The following UBE2Q2 variants were observed in gnomAD, a reference collection of about 807,000 sequenced individuals.
UBE2Q2 encodes ubiquitin conjugating enzyme E2 Q2, also known as ubiquitin-conjugating enzyme E2 Q2.
Under a neutral mutation model 59.9 loss-of-function variants are expected in UBE2Q2, and 54 were observed. The observed-to-expected ratio is 0.90, with a 90% CI of 0.72 to 1.13. UBE2Q2 has a LOEUF of 1.13. Ranked by LOEUF, UBE2Q2 falls within the 50% of genes most tolerant of loss-of-function variation. The pLI is 0.00. For missense variants in UBE2Q2, 433 were observed against 441.9 expected (o/e 0.98, Z 0.18); for synonymous variants, 165 against 155.2 (o/e 1.06, Z -0.47).
chr15:75,857,714 A>G (rs1896989005), intron 2 of UBE2Q2, among the ~76,000 whole-genome samples: 1 of 152,060 alleles, frequency 6.6e-6, no homozygotes, highest in Non-Finnish European at 1.5e-5. Context: ...GGTTAAATAA[A>G]AATCATAGTG....
chr15:75,851,135 C>CTT (rs1177827175), intron 1 of UBE2Q2, among the ~76,000 whole-genome samples: 5 of 140,482 alleles, frequency 3.6e-5, no homozygotes, highest in African/African-American at 5.2e-5. Context: ...GGATATTCTT[C>CTT]TTTTTTTTTT....
intron 5 of UBE2Q2, 122 bp from the exon 6 acceptor site, chr15:75,876,065 C>A (rs1241449567): frequency 6.1e-4 from 325 of 534,914 alleles, no homozygotes; most frequent in African/African-American, 1.8e-3. Flanking sequence ...ACTCCATCTC[C>A]AAAAAAAAAA....
At chr15:75,867,904 G>A (rs892518438) in intron 3 of UBE2Q2, among the ~76,000 whole-genome samples, 2 of 152,094 alleles carry the variant, frequency 1.3e-5, no homozygotes, top group Admixed American at 6.5e-5. Context: ...AATGAAAAAA[G>A]GGAGAATTAC....
chr15:75,846,952 A>T, intron 1 of UBE2Q2, among the ~76,000 whole-genome samples: 1 of 152,078 alleles, frequency 6.6e-6, no homozygotes, highest in East Asian at 1.9e-4. Flanking sequence ...TCCACCCCTT[A>T]ACCTTACCCC....
At chr15:75,899,371 G>A in intron 12 of UBE2Q2, 56 bp from the exon 13 acceptor site, 3 of 1,365,376 alleles carry the variant, frequency 2.2e-6, no homozygotes, top group Middle Eastern at 1.9e-4. Flanking sequence ...TTACATGCCA[G>A]TTCTTCTAAT....
At chr15:75,858,761 A>G (rs374534171) in intron 2 of UBE2Q2, among the ~76,000 whole-genome samples, 2 of 152,166 alleles carry the variant, frequency 1.3e-5, no homozygotes, top group Admixed American at 6.5e-5. Flanking sequence ...CCTCATCTTC[A>G]TTATGCACTT....
intron 1 of UBE2Q2, among the ~76,000 whole-genome samples, chr15:75,852,866 A>T (rs1045995850): frequency 6.6e-6 from 1 of 152,252 alleles, no homozygotes; most frequent in African/African-American, 2.4e-5. Context: ...ACTATTAATG[A>T]TGTCCTCCAT....
At chr15:75,846,006 G>T (rs76157525) in intron 1 of UBE2Q2, among the ~76,000 whole-genome samples, 1 of 152,206 alleles carries the variant, frequency 6.6e-6, no homozygotes, top group Non-Finnish European at 1.5e-5. Context: ...ACTATCAGGA[G>T]ATAATTATCA....
At chr15:75,890,888 T>C (rs780341160) in intron 10 of UBE2Q2, 31 bp from the exon 11 acceptor site, 2 of 1,561,352 alleles carry the variant, frequency 1.3e-6, no homozygotes, top group African/African-American at 1.4e-5. Context: ...GAAATACTAC[T>C]GTATTTTAGA....
chr15:75,844,981 C>T (rs1025967139), intron 1 of UBE2Q2, among the ~76,000 whole-genome samples: 4 of 151,494 alleles, frequency 2.6e-5, no homozygotes, highest in African/African-American at 9.7e-5. Context: ...AAAAAAAAGA[C>T]AAGTGCTGTA....
chr15:75,863,359 G>A (rs1029916497), intron 3 of UBE2Q2, among the ~76,000 whole-genome samples: 2 of 152,022 alleles, frequency 1.3e-5, no homozygotes, highest in Admixed American at 1.3e-4. Context: ...ATTCTTCACC[G>A]TAATTCTAGT....
chr15:75,869,981 T>C (rs1415037897), intron 4 of UBE2Q2, among the ~76,000 whole-genome samples: 2 of 152,228 alleles, frequency 1.3e-5, no homozygotes, highest in African/African-American at 4.8e-5. Context: ...TTTTGGGTCT[T>C]ATAATTATGC....
At chr15:75,873,100 A>G (rs2141615700) in intron 4 of UBE2Q2, among the ~76,000 whole-genome samples, 1 of 152,348 alleles carries the variant, frequency 6.6e-6, no homozygotes, top group Non-Finnish European at 1.5e-5. Context: ...AACTAGGAAC[A>G]CTTAAGGTTC....
chr15:75,879,187 A>C lies in UBE2Q2; in HGVS notation c.824A>C (p.Lys275Thr). The change falls in exon 8 of 13, where the codon AAG (lysine) becomes ACG (threonine). Residue 275 changes from lysine (K) to threonine (T), a missense_variant and splice_region_variant. Physicochemically the swap from Lys to Thr is moderately conservative, Grantham distance 78. Transcript: ENST00000267938. The stretch of plus-strand genomic sequence containing the variant: ...TATATTTTGCTTAACTTCTCTTTTA[A>C]GGTAAGAAAATAGTTACAGGACCCC... ...IEYILLNFSF[K>T]DNFPFDPPFV... is the part of the protein sequence containing the mutation. 1 of 1,568,390 alleles carries C rather than the reference A, an allele frequency of 6.4e-7. No homozygotes were observed. Among genetic ancestry groups the C allele is most frequent in the Non-Finnish European group, 8.7e-7 (1 of 1,152,242 alleles).
At chr15:75,856,169 G>A (rs2655126) in intron 2 of UBE2Q2, among the ~76,000 whole-genome samples, 14,786 of 151,088 alleles carry the variant, frequency 0.098, 1,845 homozygotes, top group African/African-American at 0.3. Flanking sequence ...CCTAGGTGAC[G>A]GAGTGAGACC....
intron 3 of UBE2Q2, among the ~76,000 whole-genome samples, chr15:75,868,220 G>A (rs1897604407): frequency 6.6e-6 from 1 of 152,108 alleles, no homozygotes; most frequent in African/African-American, 2.4e-5. Context: ...ACCTGAACTG[G>A]CCTTCATGGT....
At chr15:75,889,416 T>G (rs549891666) in intron 9 of UBE2Q2, among the ~76,000 whole-genome samples, 1 of 152,326 alleles carries the variant, frequency 6.6e-6, no homozygotes, top group South Asian at 2.1e-4. Context: ...ATGTTAGTGG[T>G]CTACAGTAAA....
chr15:75,844,829 G>A (rs1178718445), intron 1 of UBE2Q2, among the ~76,000 whole-genome samples: 2 of 152,164 alleles, frequency 1.3e-5, no homozygotes, highest in South Asian at 4.1e-4. Context: ...CTAAAACCAA[G>A]TCTTGTTTTT....
intron 11 of UBE2Q2, among the ~76,000 whole-genome samples, chr15:75,896,547 T>TA (rs1229660565): frequency 6.6e-6 from 1 of 152,246 alleles, no homozygotes; most frequent in Non-Finnish European, 1.5e-5. Context: ...ATTTCTAACT[T>TA]AAAATGTCAT....
Sources: gnomAD v4.1 joint callset for allele counts (sites outside exome capture counted in the v4.1 genomes callset) on GRCh38, gnomAD v4.1.1 for gene constraint, MANE v1.5 for transcripts, NCBI Gene and HGNC (gene_info 2026-07-23, HGNC 2026-07-21) for gene names.